The following COL18A1 variants were observed in gnomAD, a reference collection of about 807,000 sequenced individuals.
The protein encoded by COL18A1 is collagen type XVIII alpha 1 chain.
A neutral mutation model predicts 168.0 loss-of-function variants in COL18A1; 133 were observed. That is an observed-to-expected ratio of 0.79 (90% CI 0.69 to 0.91). COL18A1 has a LOEUF of 0.91. Among genes scored for constraint, COL18A1 ranks in the 40% least tolerant of loss-of-function variants. The probability of loss-of-function intolerance (pLI) is 0.00; values close to 1 mark genes in which losing one functional copy is unlikely to be tolerated. For missense variants in COL18A1, 2,126 were observed against 1,925.4 expected (o/e 1.10, Z -1.95); for synonymous variants, 949 against 809.0 (o/e 1.17, Z -2.94).
rs1212531907 is a variant in COL18A1 at position 45,412,308 on chromosome 21, C to T, written c.106+6835C>T. 1.1e-4 allele frequency among the ~76,000 whole-genome samples: 16 copies of T among 149,058 alleles called. No homozygotes were observed. In the East Asian group the frequency reaches 1.6e-3, roughly 15 times the overall value. Reference sequence around the variant, plus strand: ...CTGGAGTGCAGTGGCGTGATCTTGGCGCCCTGCAACCTCCATCTTCCGGGC... The same window carrying T: ...CTGGAGTGCAGTGGCGTGATCTTGGTGCCCTGCAACCTCCATCTTCCGGGC... On this transcript the variant is annotated intron_variant, in intron 2 of 41. Coordinates refer to ENST00000651438, the MANE Select transcript of COL18A1 (RefSeq NM_001379500.1).
chr21:45,469,358 G>T (rs1293759609), intron 3 of COL18A1, among the ~76,000 whole-genome samples: 1 of 152,222 alleles, frequency 6.6e-6, no homozygotes, highest in Non-Finnish European at 1.5e-5. Context: ...TCCCAGCAGG[G>T]TTCTCCTGTG....
chr21:45,491,362 G>A lies in COL18A1; in HGVS notation c.2157+48G>A, dbSNP rs62216329. 1.9e-4 allele frequency: 223 copies of A among 1,178,916 alleles called. 1 individual carries two copies. The highest frequency in any genetic ancestry group is 1.7e-3 in the Middle Eastern group (7 of 4,106). 73.0% of individuals were successfully genotyped at this position (1,178,916 alleles called of 1,614,324 possible). On this transcript the variant is annotated intron_variant, in intron 22 of 41. Coordinates refer to ENST00000651438, the MANE Select transcript of COL18A1 (RefSeq NM_001379500.1). ...CACCCAATCTGTCCAGACCCCCCAC[G>A]GGGTGCAGAGATCCCTCCCCGAGCC...
intron 15 of COL18A1, among the ~76,000 whole-genome samples, chr21:45,485,498 A>C (rs1487339780): frequency 7.5e-6 from 1 of 134,128 alleles, no homozygotes; most frequent in African/African-American, 2.9e-5. Context: ...CCTGTGTCCA[A>C]AAAGAAAAAA....
At chr21:45,429,072 T>G (rs2033885254) in intron 2 of COL18A1, among the ~76,000 whole-genome samples, 1 of 151,886 alleles carries the variant, frequency 6.6e-6, no homozygotes, top group East Asian at 1.9e-4. Flanking sequence ...GGCCAATTTT[T>G]TTGTATTTTT....
At chr21:45,435,395 T>C (rs2034072554) in intron 2 of COL18A1, among the ~76,000 whole-genome samples, 1 of 151,546 alleles carries the variant, frequency 6.6e-6, no homozygotes, top group African/African-American at 2.4e-5. Context: ...ATGGGTGGGT[T>C]GGTTAGGTCT....
intron 21 of COL18A1, 55 bp from the exon 22 acceptor site, chr21:45,491,170 G>T: frequency 6.9e-7 from 1 of 1,459,200 alleles, no homozygotes; most frequent in Non-Finnish European, 9.6e-7. Context: ...TGGACTCTGG[G>T]GTCCTGGCCA....
intron 2 of COL18A1, among the ~76,000 whole-genome samples, chr21:45,461,171 T>A (rs74603023): frequency 0.028 from 4,290 of 152,250 alleles, 213 homozygotes; most frequent in African/African-American, 0.097. Flanking sequence ...TTTTCCTGCA[T>A]AACTGAAACT....
intron 2 of COL18A1, chr21:45,456,190 C>CTT (rs1456299269): frequency 6.2e-7 from 1 of 1,600,048 alleles, no homozygotes; most frequent in Non-Finnish European, 8.5e-7. Context: ...GAGCTTCTCT[C>CTT]TCCTCCTTGC....
intron 8 of COL18A1, 149 bp downstream of exon 8, chr21:45,478,114 G>C: frequency 1.3e-6 from 1 of 746,080 alleles, no homozygotes. Context: ...GCTCGGGGTT[G>C]GTGCTGGAAG....
Position 45,505,207 on chromosome 21 carries a change from A to AG in COL18A1, c.2946dup (p.Arg983AlafsTer104). ...CAGGGACCCCCCGGCATCGGCTACGAGGGGCGCCAGGGCCCTCCCGGCCCC... is the reference window on the plus strand; with the variant it reads ...CAGGGACCCCCCGGCATCGGCTACGAGGGGGCGCCAGGGCCCTCCCGGCCCC... On this transcript the variant is annotated frameshift_variant, in exon 35 of 42. Transcript: ENST00000651438. LOFTEE classifies it high-confidence loss of function. The AG allele has an allele frequency of 6.2e-7, 1 of 1,602,816 alleles. No homozygotes were observed. Among genetic ancestry groups the AG allele is most frequent in the Non-Finnish European group, 8.5e-7 (1 of 1,175,564 alleles).
At chr21:45,470,015 TA>T (rs1271598727) in intron 3 of COL18A1, among the ~76,000 whole-genome samples, 1 of 152,222 alleles carries the variant, frequency 6.6e-6, no homozygotes, top group Non-Finnish European at 1.5e-5. Context: ...CTTGGTGGAA[TA>T]AAGTGGCCCA....
At chr21:45,437,302 T>TCAGA (rs1314274922) in intron 2 of COL18A1, among the ~76,000 whole-genome samples, 1 of 29,160 alleles carries the variant, frequency 3.4e-5, no homozygotes, top group Non-Finnish European at 6.3e-5. Flanking sequence ...ACACACACAC[T>TCAGA]CACACAGGCA....
At chr21:45,466,669 G>A (rs1479120195) in intron 2 of COL18A1, among the ~76,000 whole-genome samples, 1 of 152,208 alleles carries the variant, frequency 6.6e-6, no homozygotes, top group Non-Finnish European at 1.5e-5. Flanking sequence ...GGAGCTTCGT[G>A]GAGAGGAGAC....
rs189115018 is a variant in COL18A1, at chr21:45,430,154, A to G, written c.106+24681A>G. Among the ~76,000 whole-genome samples the G allele has an allele frequency of 6.0e-3, 886 of 148,240 alleles. 10 individuals are homozygous for G. The highest frequency in any genetic ancestry group is 0.021 in the African/African-American group (832 of 39,338). On this transcript the variant is annotated intron_variant, in intron 2 of 41. Coordinates refer to ENST00000651438, the MANE Select transcript of COL18A1 (RefSeq NM_001379500.1). ...CTAGCGCCCTCTCGCCCTCGCCTGC[A>G]TGTGCTGTGTCCATGAAGTGGGGTC...
chr21:45,429,122 C>G (rs913418450), intron 2 of COL18A1, among the ~76,000 whole-genome samples: 1 of 152,074 alleles, frequency 6.6e-6, no homozygotes, highest in Non-Finnish European at 1.5e-5. Context: ...AGGATGGTCT[C>G]GATCTTCCGA....
chr21:45,504,509 C>A lies in COL18A1; in HGVS notation c.2821C>A (p.Pro941Thr), dbSNP rs950735501. ...CTTCGGCTCCAGCCTGCCCGGCCCC[C>A]CCGGCCCCCCAGGCCCCCCAGGCCC... ...GFFGSSLPGP[P>T]GPPGPPGPRG... Residue 941 changes from proline to threonine, a missense_variant, in exon 34 of 42, where the codon CCC becomes ACC. Physicochemically the swap from Pro to Thr is conservative, Grantham distance 38 (BLOSUM62 -1). Transcript: ENST00000651438. 1.4e-6 allele frequency: 2 copies of A among 1,410,606 alleles called. No homozygotes were observed. Among genetic ancestry groups the A allele is most frequent in the East Asian group, 2.6e-5 (1 of 38,884 alleles). The allele number at this position is 1,410,606 out of a possible 1,614,324, so 87.4% of individuals were successfully genotyped here.
At chr21:45,476,579 G>T in intron 6 of COL18A1, 99 bp downstream of exon 6, 1 of 1,395,210 alleles carries the variant, frequency 7.2e-7, no homozygotes, top group South Asian at 1.2e-5. Flanking sequence ...GATGTATGGT[G>T]TGTGTAGTGT....
chr21:45,475,671 G>T, intron 5 of COL18A1, 136 bp downstream of exon 5: 1 of 812,788 alleles, frequency 1.2e-6, no homozygotes. Context: ...TTCCTGGCTG[G>T]GGACAGGGAT....
intron 2 of COL18A1, among the ~76,000 whole-genome samples, chr21:45,408,777 C>A (rs2033199246): frequency 6.6e-6 from 1 of 152,188 alleles, no homozygotes; most frequent in South Asian, 2.1e-4. Flanking sequence ...AGGAAGGAGA[C>A]CCGGCTGGGT....
Sources: gnomAD v4.1 joint callset for allele counts (sites outside exome capture counted in the v4.1 genomes callset) on GRCh38, gnomAD v4.1.1 for gene constraint, MANE v1.5 for transcripts, NCBI Gene and HGNC (gene_info 2026-07-23, HGNC 2026-07-21) for gene names.